The following MYRIP variants were observed in gnomAD, a reference collection of about 807,000 sequenced individuals.
MYRIP encodes the protein rab effector MyRIP.
In MYRIP, 49 loss-of-function variants were observed where a neutral mutation model predicts 98.0. That is an observed-to-expected ratio of 0.50 (90% CI 0.40 to 0.63). The LOEUF is 0.63. Among genes scored for constraint, MYRIP ranks in the 30% least tolerant of loss-of-function variants. The probability of loss-of-function intolerance (pLI) is 0.00; values close to 1 mark genes in which losing one functional copy is unlikely to be tolerated. For missense variants in MYRIP, 1,004 were observed against 1,058.2 expected, an observed-to-expected ratio of 0.95 and a Z score of 0.71; for synonymous variants, 404 against 409.5, an observed-to-expected ratio of 0.99 and a Z score of 0.16.
At chr3:40,179,314 T>G (rs576609228) in intron 8 of MYRIP, among the ~76,000 whole-genome samples, 13 of 152,208 alleles carry the variant, frequency 8.5e-5, no homozygotes, top group East Asian at 1.9e-4. Flanking sequence ...AGCTTTTTTC[T>G]AGTGTGGAAC....
At chr3:39,911,589 A>C (rs1200078525) in intron 2 of MYRIP, among the ~76,000 whole-genome samples, 2 of 152,226 alleles carry the variant, frequency 1.3e-5, no homozygotes, top group African/African-American at 4.8e-5. Context: ...TTACATGTGC[A>C]TAGAATTCAG....
At chr3:39,882,968 G>GAA (rs141043129) in intron 1 of MYRIP, among the ~76,000 whole-genome samples, 4 of 151,088 alleles carry the variant, frequency 2.6e-5, no homozygotes, top group Admixed American at 6.6e-5. Flanking sequence ...AAATATGAGA[G>GAA]AAAAATAAAA....
chr3:40,093,552 C>T (rs973110258), intron 3 of MYRIP, among the ~76,000 whole-genome samples: 3 of 152,190 alleles, frequency 2.0e-5, no homozygotes, highest in Admixed American at 2.0e-4. Flanking sequence ...TAAGGGTATG[C>T]TTAAGTTATT....
At chr3:40,217,477 ATTATT>A (rs1270540838) in intron 11 of MYRIP, among the ~76,000 whole-genome samples, 2 of 152,210 alleles carry the variant, frequency 1.3e-5, no homozygotes, top group Non-Finnish European at 2.9e-5. Flanking sequence ...AGAAAACATG[ATTATT>A]TTATTAAATT....
chr3:39,914,275 A>G, intron 2 of MYRIP, among the ~76,000 whole-genome samples: 1 of 152,196 alleles, frequency 6.6e-6, no homozygotes, highest in East Asian at 1.9e-4. Context: ...TTAACTGACC[A>G]AAAAACTCTG....
chr3:40,218,636 AT>A (rs1559460673), intron 11 of MYRIP, among the ~76,000 whole-genome samples: 5 of 133,878 alleles, frequency 3.7e-5, no homozygotes, highest in African/African-American at 1.5e-4. Flanking sequence ...ATATATATAT[AT>A]ATATATATAT....
intron 3 of MYRIP, among the ~76,000 whole-genome samples, chr3:40,110,520 G>C (rs1289956235): frequency 1.3e-5 from 2 of 152,140 alleles, no homozygotes; most frequent in Admixed American, 6.5e-5. Context: ...GAGAGGAATG[G>C]GTGATTCTGT....
chr3:40,140,235 AC>A (rs1172112254), intron 3 of MYRIP, among the ~76,000 whole-genome samples: 1 of 152,190 alleles, frequency 6.6e-6, no homozygotes, highest in African/African-American at 2.4e-5. Context: ...GTAAGGATTC[AC>A]CAAACTGTTT....
intron 5 of MYRIP, among the ~76,000 whole-genome samples, 165 bp from the exon 6 acceptor site, chr3:40,166,681 G>A (rs1340760957): frequency 2.0e-5 from 3 of 152,168 alleles, no homozygotes; most frequent in African/African-American, 4.8e-5. Flanking sequence ...AATGATGCAT[G>A]GGAGGCAGTG....
At chr3:40,065,226 TG>T (rs773443515) in intron 3 of MYRIP, among the ~76,000 whole-genome samples, 7 of 152,218 alleles carry the variant, frequency 4.6e-5, no homozygotes, top group Non-Finnish European at 1.0e-4. Flanking sequence ...GTATTCTCCC[TG>T]TGTGTCTCTG....
intron 2 of MYRIP, among the ~76,000 whole-genome samples, chr3:39,999,281 T>G (rs1432651505): frequency 6.6e-6 from 1 of 152,222 alleles, no homozygotes; most frequent in Non-Finnish European, 1.5e-5. Context: ...TCTACTCATC[T>G]GACAAAGGGC....
chr3:39,868,547 A>G (rs1942689861), intron 1 of MYRIP, among the ~76,000 whole-genome samples: 1 of 152,170 alleles, frequency 6.6e-6, no homozygotes, highest in East Asian at 1.9e-4. Context: ...CACCAATTAT[A>G]TGCTAGGTAA....
intron 2 of MYRIP, among the ~76,000 whole-genome samples, chr3:40,042,780 T>C (rs1204937927): frequency 6.6e-6 from 1 of 152,178 alleles, no homozygotes; most frequent in Non-Finnish European, 1.5e-5. Context: ...TGGGATTGCG[T>C]CCTAGTAAAC....
intron 4 of MYRIP, 126 bp downstream of exon 4, chr3:40,151,310 C>T (rs769767946): frequency 9.9e-7 from 1 of 1,006,028 alleles, no homozygotes; most frequent in Non-Finnish European, 1.3e-6. Flanking sequence ...TATCTGGCAC[C>T]AGTGAGAAGC....
chr3:39,965,883 A>T (rs1332060250), intron 2 of MYRIP, among the ~76,000 whole-genome samples: 2 of 152,192 alleles, frequency 1.3e-5, no homozygotes, highest in African/African-American at 2.4e-5. Flanking sequence ...AATTTAGCAA[A>T]ATAATATACA....
chr3:40,069,357 CT>C (rs1407332711), intron 3 of MYRIP, among the ~76,000 whole-genome samples: 1 of 150,856 alleles, frequency 6.6e-6, no homozygotes, highest in Admixed American at 6.6e-5. Context: ...ACAACAGATT[CT>C]AATCCAACCT....
chr3:40,158,602 A>G (rs1466670014), intron 4 of MYRIP, among the ~76,000 whole-genome samples: 1 of 152,088 alleles, frequency 6.6e-6, no homozygotes, highest in Non-Finnish European at 1.5e-5. Flanking sequence ...GGGGTGTTAA[A>G]GTCTCCCATT....
intron 11 of MYRIP, among the ~76,000 whole-genome samples, chr3:40,230,352 C>T (rs941904874): frequency 1.3e-5 from 2 of 152,186 alleles, no homozygotes; most frequent in Admixed American, 6.5e-5. Flanking sequence ...TACAGGGCTC[C>T]CTGTCAGCCA....
At chr3:39,873,938 C>T (rs1287162887) in intron 1 of MYRIP, among the ~76,000 whole-genome samples, 2 of 151,934 alleles carry the variant, frequency 1.3e-5, no homozygotes, top group Non-Finnish European at 2.9e-5. Flanking sequence ...GCAGTATGGC[C>T]ATTTTCATGA....
Sources: allele counts gnomAD v4.1 joint callset (sites outside exome capture counted in the v4.1 genomes callset), GRCh38; gene constraint gnomAD v4.1.1; transcripts MANE v1.5; gene names NCBI Gene and HGNC (gene_info 2026-07-23, HGNC 2026-07-21).